Variants in ARHGAP15 observed in about 807,000 individuals in gnomAD.
ARHGAP15 encodes rho GTPase-activating protein 15.
In ARHGAP15, 51 loss-of-function variants were observed where a neutral mutation model predicts 63.7. The ratio of observed to expected loss-of-function variants is 0.80; its 90% CI spans 0.64 to 1.01. The LOEUF (loss-of-function observed/expected upper bound fraction) is 1.01. Among genes scored for constraint, ARHGAP15 ranks in the 50% least tolerant of loss-of-function variants. The pLI is 0.00. For missense variants in ARHGAP15, 560 were observed against 564.6 expected, an observed-to-expected ratio of 0.99 and a Z score of 0.08; for synonymous variants, 191 against 193.8, an observed-to-expected ratio of 0.99 and a Z score of 0.12.
intron 5 of ARHGAP15, among the ~76,000 whole-genome samples, chr2:143,242,199 G>T (rs1448359183): frequency 2.0e-5 from 3 of 152,164 alleles, no homozygotes; most frequent in African/African-American, 7.2e-5. Context: ...GGAGCCAAAG[G>T]CCCTTCTATA....
At chr2:143,628,779 C>G (rs1698944947) in intron 12 of ARHGAP15, among the ~76,000 whole-genome samples, 1 of 152,182 alleles carries the variant, frequency 6.6e-6, no homozygotes, top group Non-Finnish European at 1.5e-5. Context: ...AATTAATTCC[C>G]TTTGTTGGTG....
At chr2:143,624,523 T>C (rs1698764421) in intron 12 of ARHGAP15, among the ~76,000 whole-genome samples, 1 of 152,112 alleles carries the variant, frequency 6.6e-6, no homozygotes, top group South Asian at 2.1e-4. Context: ...TAACTAAGTA[T>C]CCTCAAATGA....
intron 6 of ARHGAP15, among the ~76,000 whole-genome samples, chr2:143,421,823 A>G (rs1688936754): frequency 6.6e-6 from 1 of 151,070 alleles, no homozygotes; most frequent in South Asian, 2.1e-4. Flanking sequence ...ATTATTATAC[A>G]TTGAATAATA....
intron 11 of ARHGAP15, among the ~76,000 whole-genome samples, chr2:143,606,070 A>AAAAAC (rs747880404): frequency 2.4e-5 from 1 of 42,182 alleles, no homozygotes; most frequent in East Asian, 5.2e-4. Context: ...AAAAAAAAAA[A>AAAAAC]GCCATACATC....
At chr2:143,425,892 T>C (rs540880657) in intron 6 of ARHGAP15, among the ~76,000 whole-genome samples, 1 of 152,286 alleles carries the variant, frequency 6.6e-6, no homozygotes, top group Non-Finnish European at 1.5e-5. Flanking sequence ...ACTTCTTGAA[T>C]TATGCAGTTT....
rs1406580072 is a variant in ARHGAP15, at chr2:143,250,955, G to T, written c.474+355G>T. 4.6e-5 allele frequency among the ~76,000 whole-genome samples: 7 copies of T among 151,918 alleles called. No individual in the cohort carries two copies. The South Asian group carries it at 1.4e-3, about 31-fold the overall frequency. Reference sequence around the variant, plus strand: ...ATGCACACAAACTAAGACTCACCAAGTATAAGCTATTTACATTCATTGACA... The same window carrying T: ...ATGCACACAAACTAAGACTCACCAATTATAAGCTATTTACATTCATTGACA... On this transcript the variant is annotated intron_variant, in intron 6 of 13. Transcript: ENST00000295095.
rs181427771 is a variant in ARHGAP15 at position 143,448,927 on chromosome 2, C to A, written c.703+11885C>A. On this transcript the variant is annotated intron_variant, in intron 8 of 13. Transcript: ENST00000295095. ...TTGAAAGTCCAGAGCCAAAGGGTGG[C>A]CTTTGGGACTTGGACAAAAGACCTA... is the stretch of plus-strand genomic sequence containing the variant. 2.0e-5 allele frequency among the ~76,000 whole-genome samples: 3 copies of A among 151,988 alleles called. No homozygotes were observed. The East Asian group carries it at 5.8e-4, about 29-fold the overall frequency.
chr2:143,257,354 C>T (rs1393272299), intron 6 of ARHGAP15, among the ~76,000 whole-genome samples: 2 of 151,980 alleles, frequency 1.3e-5, no homozygotes, highest in Non-Finnish European at 2.9e-5. Context: ...TTTGTAATTC[C>T]AAAATAACAT....
intron 2 of ARHGAP15, chr2:143,172,282 A>T (rs928214364): frequency 2.6e-5 from 4 of 152,144 alleles, no homozygotes; most frequent in African/African-American, 9.7e-5. Flanking sequence ...CTAATATAAG[A>T]TCAGAGTGAA....
At chr2:143,502,768 T>C (rs1022822560) in intron 9 of ARHGAP15, among the ~76,000 whole-genome samples, 6 of 152,008 alleles carry the variant, frequency 3.9e-5, no homozygotes, top group African/African-American at 1.4e-4. Flanking sequence ...TTAGTAGAGA[T>C]GGGGTTTCAC....
At position 143,360,170 on chromosome 2, in the gene ARHGAP15, G is replaced by A. The variant is rs373092122; in HGVS notation, c.475-75431G>A. ...ATGGTAGGAGGACTGCTAGAGGCCT[G>A]GAGTTAGGAACCAGCCTGATCAAAA... is the stretch of plus-strand genomic sequence containing the variant. On this transcript the variant is annotated intron_variant, in intron 6 of 13. Transcript: ENST00000295095. 1.1e-3 allele frequency among the ~76,000 whole-genome samples: 168 copies of A among 151,606 alleles called. 1 individual carries two copies. The highest frequency in any genetic ancestry group is 4.0e-3 in the African/African-American group (165 of 41,294).
intron 10 of ARHGAP15, among the ~76,000 whole-genome samples, chr2:143,519,660 C>T (rs887999669): frequency 1.3e-5 from 2 of 152,114 alleles, no homozygotes. Flanking sequence ...CATAAAATAT[C>T]AGCACTCACA....
At chr2:143,388,698 A>G (rs533413738) in intron 6 of ARHGAP15, among the ~76,000 whole-genome samples, 3 of 152,284 alleles carry the variant, frequency 2.0e-5, no homozygotes, top group South Asian at 2.1e-4. Context: ...CTCATCAAGT[A>G]TTGGTCTTAA....
chr2:143,389,953 G>A (rs1353743001), intron 6 of ARHGAP15, among the ~76,000 whole-genome samples: 3 of 150,256 alleles, frequency 2.0e-5, no homozygotes, highest in African/African-American at 7.4e-5. Flanking sequence ...GCTTTTCATG[G>A]TATTGAAATA....
At chr2:143,539,210 T>G (rs1694924053) in intron 10 of ARHGAP15, among the ~76,000 whole-genome samples, 1 of 152,172 alleles carries the variant, frequency 6.6e-6, no homozygotes, top group Admixed American at 6.5e-5. Flanking sequence ...GTGTTTCTGT[T>G]GGATTGGTAG....
rs370650552 is a variant in ARHGAP15 at position 143,155,440 on chromosome 2, T to C, written c.-14-37T>C. 22 of 1,488,866 alleles carry C rather than the reference T, an allele frequency of 1.5e-5. No individual in the cohort carries two copies. The African/African-American group carries it at 2.6e-4, about 18-fold the overall frequency. The allele number at this position is 1,488,866 out of a possible 1,614,324, so 92.2% of individuals were successfully genotyped here. A position where few individuals can be genotyped will look rare whatever the true frequency, so the allele number is the denominator to read the frequency against. ...TCAAGAGTTTTCATGGAAAATTGTA[T>C]GTTTAGAATAACATAATACATTTTA... On this transcript the variant is annotated intron_variant, in intron 1 of 13. Transcript: ENST00000295095.
intron 10 of ARHGAP15, among the ~76,000 whole-genome samples, chr2:143,537,349 G>T (rs1268615072): frequency 1.3e-5 from 2 of 152,010 alleles, no homozygotes; most frequent in Non-Finnish European, 2.9e-5. Flanking sequence ...TCTGATGGTG[G>T]TTTCTTTTGC....
At chr2:143,436,322 C>T (rs548038739) in intron 7 of ARHGAP15, among the ~76,000 whole-genome samples, 33 of 152,200 alleles carry the variant, frequency 2.2e-4, no homozygotes, top group Admixed American at 6.5e-4. Flanking sequence ...ATTCTTAATA[C>T]GGAATACAAC....
intron 2 of ARHGAP15, among the ~76,000 whole-genome samples, chr2:143,194,722 T>C (rs1309550057): frequency 6.6e-6 from 1 of 151,784 alleles, no homozygotes; most frequent in Non-Finnish European, 1.5e-5. Flanking sequence ...AGAGAAACGA[T>C]CTAGCGAAAA....
Sources: allele counts gnomAD v4.1 joint callset (sites outside exome capture counted in the v4.1 genomes callset), GRCh38; gene constraint gnomAD v4.1.1; transcripts MANE v1.5; gene names NCBI Gene and HGNC (gene_info 2026-07-23, HGNC 2026-07-21).